KCNIP4: variants seen among roughly 807,000 people sequenced by gnomAD.
KCNIP4 encodes the protein potassium voltage-gated channel interacting protein 4, also known as Kv channel-interacting protein 4.
Under a neutral mutation model 34.0 loss-of-function variants are expected in KCNIP4, and 12 were observed. The ratio of observed to expected loss-of-function variants is 0.35; its 90% CI spans 0.23 to 0.57. The LOEUF (loss-of-function observed/expected upper bound fraction) is 0.57. Ranked by LOEUF, KCNIP4 falls within the 20% of genes least tolerant of loss-of-function variation. The pLI, the probability that KCNIP4 is intolerant of heterozygous loss-of-function variation, is 0.83. For synonymous variants in KCNIP4, 124 were observed against 102.2 expected, an observed-to-expected ratio of 1.21 and a Z score of -1.29; for missense variants, 238 against 311.7, an observed-to-expected ratio of 0.76 and a Z score of 1.78.
chr4:21,050,652 G>T (rs138953301), intron 1 of KCNIP4, among the ~76,000 whole-genome samples: 2 of 152,166 alleles, frequency 1.3e-5, no homozygotes, highest in African/African-American at 4.8e-5. Flanking sequence ...AGGCAAATAT[G>T]ATGGTTCAAC....
intron 3 of KCNIP4, among the ~76,000 whole-genome samples, chr4:20,775,778 A>T (rs1756322310): frequency 6.6e-6 from 1 of 152,126 alleles, no homozygotes; most frequent in Non-Finnish European, 1.5e-5. Context: ...AGATGGTTAG[A>T]ATAAATCTCT....
rs1188623541 is a variant in KCNIP4, at chr4:20,850,641, C to A, written c.190G>T (p.Ala64Ser). ...GCTTCAGGCCGATGCCTGACGGTGG[C>A]CATCTCCAGTTCATCTTCCACGCTG... ...QNSVEDELEM[A>S]TVRHRPEALE... The change falls in exon 3 of 9, where the codon GCC becomes TCC. Residue 64 changes from alanine to serine, a missense_variant. Transcript: ENST00000382152. The A allele has an allele frequency of 8.1e-6, 13 of 1,612,322 alleles. No individual in the cohort carries two copies. In the East Asian group the frequency reaches 2.0e-4, roughly 25 times the overall value.
At chr4:20,748,894 G>GTGTATATATA (rs1160169512) in intron 5 of KCNIP4, among the ~76,000 whole-genome samples, 52 of 145,260 alleles carry the variant, frequency 3.6e-4, no homozygotes, top group African/African-American at 1.0e-3. Context: ...GTGTGTGTGT[G>GTGTATATATA]TATATATATA....
intron 1 of KCNIP4, among the ~76,000 whole-genome samples, chr4:21,681,712 G>T (rs975767639): frequency 3.3e-5 from 5 of 152,026 alleles, no homozygotes; most frequent in Non-Finnish European, 7.4e-5. Flanking sequence ...AAGAAAAAAG[G>T]TTTCATTGGC....
At chr4:21,920,873 C>CTTTTTTTTTTTTTTTTTT (rs1728899285) in intron 1 of KCNIP4, among the ~76,000 whole-genome samples, 2 of 151,642 alleles carry the variant, frequency 1.3e-5, no homozygotes, top group African/African-American at 4.9e-5. Flanking sequence ...TGTACATTTT[C>CTTTTTTTTTTTTTTTTTT]TTTGTTTGCT....
intron 1 of KCNIP4, among the ~76,000 whole-genome samples, chr4:21,197,653 AAGAG>A (rs201852868): frequency 6.6e-6 from 1 of 152,232 alleles, no homozygotes; most frequent in Non-Finnish European, 1.5e-5. Flanking sequence ...CACAGAAAGA[AAGAG>A]AAAGTTTCAG....
At chr4:21,585,365 C>A (rs1741534094) in intron 1 of KCNIP4, among the ~76,000 whole-genome samples, 1 of 152,074 alleles carries the variant, frequency 6.6e-6, no homozygotes, top group South Asian at 2.1e-4. Flanking sequence ...ATAATCAGGA[C>A]ATTCTTATCT....
intron 1 of KCNIP4, among the ~76,000 whole-genome samples, chr4:21,080,194 T>C (rs1745884698): frequency 6.6e-6 from 1 of 151,812 alleles, no homozygotes; most frequent in African/African-American, 2.4e-5. Flanking sequence ...CTCCAACTGC[T>C]AGCTCTGTGA....
At chr4:21,171,048 T>G (rs576588241) in intron 1 of KCNIP4, among the ~76,000 whole-genome samples, 1 of 152,218 alleles carries the variant, frequency 6.6e-6, no homozygotes, top group Non-Finnish European at 1.5e-5. Flanking sequence ...ATTTTTCAGT[T>G]CAGTTGCTCT....
At position 21,452,184 on chromosome 4, in the gene KCNIP4, T is replaced by A. The variant is rs1430524477; in HGVS notation, c.61+496387A>T. Among the ~76,000 whole-genome samples, 5 of 152,032 alleles carry A rather than the reference T, an allele frequency of 3.3e-5. No homozygotes were observed. In the East Asian group the frequency reaches 9.7e-4, roughly 29 times the overall value. On this transcript the variant is annotated intron_variant, in intron 1 of 8. Transcript: ENST00000382152. The stretch of plus-strand genomic sequence containing the variant: ...AGCCAGATAATTTCAGAATTTAGAA[T>A]TTTAAAAGAAAATAAAAAATTCTCC...
At chr4:21,731,496 A>G (rs1715599450) in intron 1 of KCNIP4, among the ~76,000 whole-genome samples, 1 of 152,180 alleles carries the variant, frequency 6.6e-6, no homozygotes, top group Non-Finnish European at 1.5e-5. Context: ...TGGACTAGAA[A>G]GTTCTAGGAA....
intron 5 of KCNIP4, among the ~76,000 whole-genome samples, chr4:20,736,175 A>G (rs1373426929): frequency 6.6e-6 from 1 of 152,196 alleles, no homozygotes; most frequent in African/African-American, 2.4e-5. Context: ...ATTTACTTCC[A>G]AGGAATTTTT....
intron 1 of KCNIP4, among the ~76,000 whole-genome samples, chr4:21,100,031 T>A (rs1363033947): frequency 1.3e-5 from 2 of 152,180 alleles, no homozygotes; most frequent in Non-Finnish European, 2.9e-5. Flanking sequence ...CTTCTTGAGA[T>A]GGAATCTACC....
intron 1 of KCNIP4, among the ~76,000 whole-genome samples, chr4:21,807,345 T>C (rs1347715833): frequency 1.3e-5 from 2 of 152,138 alleles, no homozygotes. Context: ...AAAGTCCAAT[T>C]CTGTCCTGCA....
At chr4:21,545,681 A>G (rs1248220581) in intron 1 of KCNIP4, among the ~76,000 whole-genome samples, 2 of 152,174 alleles carry the variant, frequency 1.3e-5, no homozygotes, top group Non-Finnish European at 2.9e-5. Flanking sequence ...GATGGTTTCC[A>G]GCTTCATCCA....
intron 3 of KCNIP4, among the ~76,000 whole-genome samples, chr4:20,780,950 G>A (rs542215506): frequency 6.6e-6 from 1 of 152,238 alleles, no homozygotes; most frequent in South Asian, 2.1e-4. Flanking sequence ...GTTCTTTACA[G>A]GGTGGCTACA....
intron 1 of KCNIP4, among the ~76,000 whole-genome samples, chr4:21,863,416 T>C (rs6830224): frequency 0.72 from 108,984 of 152,178 alleles, 44,530 homozygotes; most frequent in East Asian, 0.89. Context: ...AAACCTGAAC[T>C]GTCAAATATG....
At chr4:21,897,328 A>C (rs760193590) in intron 1 of KCNIP4, among the ~76,000 whole-genome samples, 45 of 152,210 alleles carry the variant, frequency 3.0e-4, no homozygotes, top group Non-Finnish European at 5.6e-4. Context: ...TGCCTTTAAA[A>C]GCAAGGTTCT....
chr4:21,452,900 T>G (rs988930462), intron 1 of KCNIP4, among the ~76,000 whole-genome samples: 1 of 152,076 alleles, frequency 6.6e-6, no homozygotes, highest in Non-Finnish European at 1.5e-5. Flanking sequence ...GAATGCATTC[T>G]TTTGTTCTTA....
Sources: gnomAD v4.1 joint callset for allele counts (sites outside exome capture counted in the v4.1 genomes callset) on GRCh38, gnomAD v4.1.1 for gene constraint, MANE v1.5 for transcripts, NCBI Gene and HGNC (gene_info 2026-07-23, HGNC 2026-07-21) for gene names.